The following ANKRD29 variants were observed in gnomAD, a reference collection of about 807,000 sequenced individuals.
The protein encoded by ANKRD29 is ankyrin repeat domain 29.
ANKRD29 carries 32 observed loss-of-function variants against 38.0 expected under a neutral mutation model. The observed-to-expected ratio is 0.84, with a 90% confidence interval of 0.64 to 1.13. The LOEUF (loss-of-function observed/expected upper bound fraction) is 1.13, where lower values mean the gene tolerates loss of function less well. ANKRD29 is among the 50% of genes most tolerant of loss of function. The pLI, the probability that ANKRD29 is intolerant of heterozygous loss-of-function variation, is 0.00. For synonymous variants in ANKRD29, 135 were observed against 152.4 expected (o/e 0.89, Z 0.84); for missense variants, 357 against 377.9 (o/e 0.94, Z 0.46).
rs758428228 is a variant in ANKRD29, at chr18:23,638,918, G to C, written c.261C>G (p.Ala87=). Residue 87 remains alanine (A), a synonymous_variant, in exon 4 of 10, where the codon GCC becomes GCG. Coordinates refer to ENST00000592179, the MANE Select transcript of ANKRD29 (RefSeq NM_173505.4). ...ESGTTALFFA[A]QQGHNDVVRF... is the part of the protein sequence containing the mutation. ...TCACGACATCATTATGGCCTTGCTGGGCGGCAAAGAATAGGGCAGTTGTAC... is the reference window on the plus strand; with the variant it reads ...TCACGACATCATTATGGCCTTGCTGCGCGGCAAAGAATAGGGCAGTTGTAC... 46 of 1,612,752 alleles carry C rather than the reference G, an allele frequency of 2.9e-5. No individual in the cohort carries two copies. The highest frequency in any genetic ancestry group is 1.6e-4 in the East Asian group (7 of 44,852).
chr18:23,653,255 T>C (rs1296044468), intron 1 of ANKRD29, among the ~76,000 whole-genome samples: 1 of 152,228 alleles, frequency 6.6e-6, no homozygotes, highest in Non-Finnish European at 1.5e-5. Context: ...TTCCCATTTT[T>C]TCTTTTTATT....
At chr18:23,614,028 G>A (rs535057487) in intron 8 of ANKRD29, among the ~76,000 whole-genome samples, 16 of 152,126 alleles carry the variant, frequency 1.1e-4, no homozygotes, top group East Asian at 1.9e-4. Flanking sequence ...CAGTGTGCCC[G>A]GCCTTTACAA....
Position 23,629,939 on chromosome 18 carries a change from C to A in ANKRD29, c.442G>T (p.Ala148Ser). 6.2e-7 allele frequency: 1 copy of A among 1,613,790 alleles called. No individual in the cohort carries two copies. ...IHDQLYDGAT[A>S]LFLAAQGGYL... ...CCACCTTGGGCAGCTAGGAAGAGGG[C>A]AGTGGCTCCATCCTGAGAGAGAACA... The change falls in exon 6 of 10, where the codon GCC (alanine) becomes TCC (serine). Residue 148 changes from alanine to serine, a missense_variant. Coordinates refer to ENST00000592179, the MANE Select transcript of ANKRD29 (RefSeq NM_173505.4).
chr18:23,641,450 C>T (rs994510726), intron 3 of ANKRD29, among the ~76,000 whole-genome samples: 2 of 152,256 alleles, frequency 1.3e-5, no homozygotes, highest in African/African-American at 4.8e-5. Flanking sequence ...CTGTCATGAC[C>T]TGGCTAGGGG....
intron 6 of ANKRD29, among the ~76,000 whole-genome samples, chr18:23,626,063 A>G (rs1035392977): frequency 6.6e-6 from 1 of 152,228 alleles, no homozygotes; most frequent in Non-Finnish European, 1.5e-5. Context: ...CTTGCCAAGC[A>G]GCAAGGACTT....
chr18:23,652,391 C>T (rs1392767209), intron 1 of ANKRD29, among the ~76,000 whole-genome samples: 1 of 152,146 alleles, frequency 6.6e-6, no homozygotes, highest in Non-Finnish European at 1.5e-5. Flanking sequence ...CCTTTAACTC[C>T]CCATCACACT....
At chr18:23,620,461 C>CAGT (rs1950576805) in intron 6 of ANKRD29, among the ~76,000 whole-genome samples, 1 of 152,022 alleles carries the variant, frequency 6.6e-6, no homozygotes, top group Non-Finnish European at 1.5e-5. Flanking sequence ...AAGGATTTGA[C>CAGT]AGTAGGGTGG....
chr18:23,605,596 G>A (rs1297545792), intron 9 of ANKRD29, among the ~76,000 whole-genome samples: 1 of 151,550 alleles, frequency 6.6e-6, no homozygotes, highest in Non-Finnish European at 1.5e-5. Context: ...GTGAGGTCTC[G>A]GCTCACTGCA....
At chr18:23,623,845 G>A (rs1336315554) in intron 6 of ANKRD29, among the ~76,000 whole-genome samples, 1 of 151,694 alleles carries the variant, frequency 6.6e-6, no homozygotes, top group East Asian at 1.9e-4. Context: ...GGGTTTCACC[G>A]TGTTAGGCAG....
At chr18:23,604,819 G>A (rs186889165) in intron 9 of ANKRD29, among the ~76,000 whole-genome samples, 1 of 152,138 alleles carries the variant, frequency 6.6e-6, no homozygotes, top group African/African-American at 2.4e-5. Flanking sequence ...GTGAGCCACC[G>A]TTCCTGGCCA....
intron 3 of ANKRD29, among the ~76,000 whole-genome samples, chr18:23,644,552 C>T (rs1346026522): frequency 2.6e-5 from 4 of 152,178 alleles, no homozygotes; most frequent in African/African-American, 7.2e-5. Flanking sequence ...GAGAAGACTG[C>T]ATTTGCTGTA....
chr18:23,624,003 G>C (rs879450303), intron 6 of ANKRD29, among the ~76,000 whole-genome samples: 13 of 151,922 alleles, frequency 8.6e-5, no homozygotes, highest in Non-Finnish European at 1.6e-4. Context: ...TGAAAAGTAA[G>C]TCAATTTAGC....
chr18:23,639,013 G>A, intron 3 of ANKRD29, 66 bp from the exon 4 acceptor site: 1 of 1,259,320 alleles, frequency 7.9e-7, no homozygotes, highest in Non-Finnish European at 1.1e-6. Flanking sequence ...TTGAACATCT[G>A]CAAAGAAAAC....
chr18:23,650,450 G>T (rs1340064475), intron 1 of ANKRD29, among the ~76,000 whole-genome samples: 1 of 152,336 alleles, frequency 6.6e-6, no homozygotes, highest in Non-Finnish European at 1.5e-5. Context: ...GGCCTACTGG[G>T]TTATTTTAAA....
intron 9 of ANKRD29, among the ~76,000 whole-genome samples, chr18:23,604,960 G>A (rs1281019621): frequency 1.3e-5 from 2 of 151,676 alleles, no homozygotes; most frequent in Admixed American, 6.6e-5. Context: ...TTATTCTGTC[G>A]CCCAGGCTGG....
At chr18:23,627,783 C>A (rs1371315950) in intron 6 of ANKRD29, among the ~76,000 whole-genome samples, 1 of 152,122 alleles carries the variant, frequency 6.6e-6, no homozygotes, top group Non-Finnish European at 1.5e-5. Flanking sequence ...CTTAGGCAAT[C>A]TAAAAATAAC....
chr18:23,607,828 C>T (rs2059592104), intron 9 of ANKRD29, among the ~76,000 whole-genome samples: 1 of 152,184 alleles, frequency 6.6e-6, no homozygotes, highest in African/African-American at 2.4e-5. Context: ...TAAATCTCCC[C>T]ACTGCTCCTG....
intron 5 of ANKRD29, among the ~76,000 whole-genome samples, chr18:23,631,812 C>T (rs186627507): frequency 7.2e-5 from 11 of 152,288 alleles, no homozygotes; most frequent in East Asian, 1.9e-4. Flanking sequence ...ACATGTCACT[C>T]GGTGCTTTCG....
At chr18:23,606,410 T>G (rs1264756848) in intron 9 of ANKRD29, among the ~76,000 whole-genome samples, 1 of 152,130 alleles carries the variant, frequency 6.6e-6, no homozygotes, top group Non-Finnish European at 1.5e-5. Flanking sequence ...ATGAACTACC[T>G]CAACTGGCTA....
Sources: allele counts gnomAD v4.1 joint callset (sites outside exome capture counted in the v4.1 genomes callset), GRCh38; gene constraint gnomAD v4.1.1; transcripts MANE v1.5; gene names NCBI Gene and HGNC (gene_info 2026-07-23, HGNC 2026-07-21).